GRM7: variants seen among roughly 807,000 people sequenced by gnomAD.
GRM7 encodes the protein glutamate metabotropic receptor 7, also known as metabotropic glutamate receptor 7.
Under a neutral mutation model 84.5 loss-of-function variants are expected in GRM7, and 35 were observed. That is an observed-to-expected ratio of 0.41 (90% CI 0.32 to 0.55). The LOEUF is 0.55. GRM7 is among the 20% of genes least tolerant of loss of function. The pLI is 0.19. For missense variants in GRM7, 1,003 were observed against 1,194.6 expected (o/e 0.84, Z 2.36); for synonymous variants, 487 against 455.1 (o/e 1.07, Z -0.89).
intron 1 of GRM7, among the ~76,000 whole-genome samples, chr3:7,103,778 CTTTCTTTCTTTCTTTCTT>C (rs1699195302): frequency 1.9e-5 from 2 of 105,514 alleles, no homozygotes. Context: ...TTCTTTCTTT[CTTTCTTTCTTTCTTTCTT>C]TCTTTCTTTC....
At position 6,862,822 on chromosome 3, in the gene GRM7, TG is replaced by T. The variant is rs2124926710; in HGVS notation, c.519+918del. On this transcript the variant is annotated intron_variant, in intron 1 of 9. Coordinates refer to ENST00000357716, the MANE Select transcript of GRM7 (RefSeq NM_000844.4). The surrounding 1 kb of genome is among the most constrained non-coding windows in gnomAD (Gnocchi z 5.2). Reference sequence around the variant, plus strand: ...CGGAGCGAGGCATGAAGGCGCCCGTTGGGAGGCAGAGGGGTGCGTGAAGCGG... The same window carrying T: ...CGGAGCGAGGCATGAAGGCGCCCGTTGGAGGCAGAGGGGTGCGTGAAGCGG... The T allele has an allele frequency of 1.3e-5, 4 of 300,994 alleles. No individual in the cohort carries two copies. The highest frequency in any genetic ancestry group is 9.6e-5 in the South Asian group (4 of 41,538). The allele number at this position is 300,994 out of a possible 1,614,324, so 18.6% of individuals were successfully genotyped here.
At chr3:7,321,733 T>TA (rs113483341) in intron 4 of GRM7, among the ~76,000 whole-genome samples, 23,301 of 152,008 alleles carry the variant, frequency 0.15, 2,012 homozygotes, top group African/African-American at 0.23. Flanking sequence ...AAATGAGCAT[T>TA]AAAATTTCTG....
chr3:7,302,627 T>C (rs926260085), intron 3 of GRM7, among the ~76,000 whole-genome samples: 1 of 152,158 alleles, frequency 6.6e-6, no homozygotes, highest in Non-Finnish European at 1.5e-5. Flanking sequence ...ATACAGGCAA[T>C]TTTTGGTCAG....
intron 1 of GRM7, chr3:6,892,558 C>T (rs1019660678): frequency 6.6e-6 from 1 of 152,040 alleles, no homozygotes; most frequent in Non-Finnish European, 1.5e-5. Flanking sequence ...ATAATATATT[C>T]CTGTCAGGGA....
chr3:7,547,314 C>G (rs1018991937), intron 7 of GRM7, among the ~76,000 whole-genome samples: 15 of 146,972 alleles, frequency 1.0e-4, no homozygotes, highest in Admixed American at 6.3e-4. Context: ...TCACGCCATT[C>G]TCCTGCCTCA....
At position 6,869,676 on chromosome 3, in the gene GRM7, C is replaced by T. The variant is rs73808481; in HGVS notation, c.519+7769C>T. Among the ~76,000 whole-genome samples, 1,066 of 141,736 alleles carry T rather than the reference C, an allele frequency of 7.5e-3. 12 individuals carry two copies. Among genetic ancestry groups the T allele is most frequent in the African/African-American group, 0.031 (1,009 of 32,132 alleles). 93.0% of individuals were successfully genotyped at this position (141,736 alleles called of 152,430 possible). A position where few individuals can be genotyped will look rare whatever the true frequency, so the allele number is the denominator to read the frequency against. On this transcript the variant is annotated intron_variant, in intron 1 of 9. Transcript: ENST00000357716. Reference sequence around the variant, plus strand: ...GAAGGAGAGAGAGAGTGAGAGATAACACACACACACGTGCACAGAGAGAAC... The same window carrying T: ...GAAGGAGAGAGAGAGTGAGAGATAATACACACACACGTGCACAGAGAGAAC...
At chr3:7,074,048 G>A (rs1440791256) in intron 1 of GRM7, among the ~76,000 whole-genome samples, 1 of 152,146 alleles carries the variant, frequency 6.6e-6, no homozygotes, top group Non-Finnish European at 1.5e-5. Flanking sequence ...ATTATAGTAA[G>A]AGGATAAGAA....
At chr3:7,457,531 A>G (rs558102939) in intron 6 of GRM7, among the ~76,000 whole-genome samples, 23 of 152,298 alleles carry the variant, frequency 1.5e-4, no homozygotes, top group Non-Finnish European at 2.9e-4. Context: ...CTGTACTTCA[A>G]TTTACTAGTT....
At chr3:7,053,875 C>A (rs965105580) in intron 1 of GRM7, among the ~76,000 whole-genome samples, 3 of 150,970 alleles carry the variant, frequency 2.0e-5, no homozygotes, top group South Asian at 4.2e-4. Context: ...ATTTTAAAAT[C>A]AGTTTTTTAA....
intron 7 of GRM7, among the ~76,000 whole-genome samples, chr3:7,546,478 G>C (rs1358107530): frequency 6.6e-6 from 1 of 152,176 alleles, no homozygotes; most frequent in Non-Finnish European, 1.5e-5. Flanking sequence ...CAGCAGTCCA[G>C]AAACAAGATA....
chr3:7,451,898 G>C (rs1697783538), intron 5 of GRM7: 1 of 152,272 alleles, frequency 6.6e-6, no homozygotes, highest in South Asian at 2.1e-4. Flanking sequence ...GACTCTTAGT[G>C]TAGGAATGAT....
chr3:7,245,993 G>A (rs1697743674), intron 2 of GRM7, among the ~76,000 whole-genome samples: 1 of 151,910 alleles, frequency 6.6e-6, no homozygotes, highest in Admixed American at 6.6e-5. Flanking sequence ...TTAATTAGAG[G>A]AATTTAAAAT....
At chr3:7,542,573 G>A (rs1385327709) in intron 7 of GRM7, among the ~76,000 whole-genome samples, 5 of 138,214 alleles carry the variant, frequency 3.6e-5, no homozygotes, top group Admixed American at 1.5e-4. Flanking sequence ...TTTTTTGACA[G>A]AGTCTCACTC....
intron 7 of GRM7, among the ~76,000 whole-genome samples, chr3:7,498,552 C>G (rs1027867824): frequency 3.9e-5 from 6 of 152,074 alleles, no homozygotes; most frequent in African/African-American, 4.8e-5. Context: ...AATCCGGATT[C>G]TGGTATTTCA....
chr3:6,994,526 C>T (rs1694764093), intron 1 of GRM7, among the ~76,000 whole-genome samples: 1 of 152,180 alleles, frequency 6.6e-6, no homozygotes, highest in South Asian at 2.1e-4. Context: ...TGAGTAGTTA[C>T]ATTGCCACAA....
intron 1 of GRM7, among the ~76,000 whole-genome samples, chr3:7,031,773 T>C (rs1696192327): frequency 1.3e-5 from 2 of 152,172 alleles, no homozygotes; most frequent in Non-Finnish European, 2.9e-5. Context: ...GTGTCCCATG[T>C]AGAACGTATG....
At chr3:7,574,939 G>T (rs1287451855) in intron 7 of GRM7, among the ~76,000 whole-genome samples, 1 of 141,468 alleles carries the variant, frequency 7.1e-6, no homozygotes, top group African/African-American at 2.5e-5. Flanking sequence ...CAGCCTGTCT[G>T]TCTGAGTTTC....
At chr3:7,292,381 G>C (rs1699662822) in intron 2 of GRM7, among the ~76,000 whole-genome samples, 1 of 152,086 alleles carries the variant, frequency 6.6e-6, no homozygotes, top group African/African-American at 2.4e-5. Context: ...AGTATGTGAG[G>C]ACAGATAACT....
chr3:7,643,084 C>T (rs1449950163), intron 8 of GRM7, among the ~76,000 whole-genome samples: 1 of 152,072 alleles, frequency 6.6e-6, no homozygotes, highest in Non-Finnish European at 1.5e-5. Flanking sequence ...AATCACATCA[C>T]GTGCTGGGTG....
Sources: allele counts gnomAD v4.1 joint callset (sites outside exome capture counted in the v4.1 genomes callset), GRCh38; gene constraint gnomAD v4.1.1; non-coding constraint Gnocchi (gnomAD v3.1); transcripts MANE v1.5; gene names NCBI Gene and HGNC (gene_info 2026-07-23, HGNC 2026-07-21).